MAN1A1: variants seen among roughly 807,000 people sequenced by gnomAD.
MAN1A1 encodes the protein mannosyl-oligosaccharide 1,2-alpha-mannosidase IA.
In MAN1A1, 29 loss-of-function variants were observed where a neutral mutation model predicts 70.8. The ratio of observed to expected loss-of-function variants is 0.41; its 90% CI spans 0.31 to 0.56. The LOEUF is 0.56. Ranked by LOEUF, MAN1A1 falls within the 20% of genes least tolerant of loss-of-function variation. The pLI is 0.29. For synonymous variants in MAN1A1, 349 were observed against 330.1 expected (o/e 1.06, Z -0.62); for missense variants, 747 against 841.3 (o/e 0.89, Z 1.39).
At chr6:119,325,604 T>C (rs1387829114) in intron 2 of MAN1A1, among the ~76,000 whole-genome samples, 4 of 151,776 alleles carry the variant, frequency 2.6e-5, no homozygotes, top group Admixed American at 1.3e-4. Context: ...TTACAGTGAG[T>C]TGAGATTGCA....
intron 2 of MAN1A1, chr6:119,327,352 T>C (rs1356142646): frequency 6.6e-6 from 1 of 150,812 alleles, no homozygotes; most frequent in African/African-American, 2.4e-5. Context: ...TCCGCAAGGA[T>C]CATGTGCAAA....
intron 2 of MAN1A1, among the ~76,000 whole-genome samples, chr6:119,326,992 A>G (rs931296468): frequency 3.3e-5 from 5 of 152,334 alleles, no homozygotes; most frequent in Admixed American, 3.3e-4. Flanking sequence ...AGCAGAGTGA[A>G]TGACCACCCT....
chr6:119,312,258 G>A (rs1772730802), intron 2 of MAN1A1, among the ~76,000 whole-genome samples: 1 of 152,150 alleles, frequency 6.6e-6, no homozygotes, highest in Non-Finnish European at 1.5e-5. Context: ...GAAAAACAGT[G>A]ATTTTAAAAG....
chr6:119,325,286 T>C (rs1773116677), intron 2 of MAN1A1, among the ~76,000 whole-genome samples: 1 of 135,234 alleles, frequency 7.4e-6, no homozygotes, highest in Non-Finnish European at 1.7e-5. Context: ...TCTAGAGTTT[T>C]TGCTCCTAAC....
chr6:119,251,204 G>T (rs543371825), intron 5 of MAN1A1, among the ~76,000 whole-genome samples: 1 of 151,870 alleles, frequency 6.6e-6, no homozygotes, highest in Non-Finnish European at 1.5e-5. Context: ...CTGTATTTAC[G>T]TTACCAACTT....
chr6:119,208,625 T>C (rs551278930), intron 6 of MAN1A1, among the ~76,000 whole-genome samples: 2 of 152,318 alleles, frequency 1.3e-5, no homozygotes, highest in East Asian at 3.9e-4. Flanking sequence ...CTTCTGGGAA[T>C]GGTTAATAGG....
In MAN1A1 at chr6:119,348,742, C is replaced by T; in HGVS notation, c.324G>A (p.Gly108=). The T allele has an allele frequency of 6.4e-7, 1 of 1,566,956 alleles. No homozygotes were observed. The highest frequency in any genetic ancestry group is 1.9e-5 in the Admixed American group (1 of 53,872). ...AEGRARRREE[G]APGDPEAALE... The stretch of plus-strand genomic sequence containing the variant: ...GGGCGGCCTCCGGGTCCCCGGGTGC[C>T]CCCTCCTCGCGGCGCCGGGCTCGCC... The change falls in exon 2 of 13, where the codon GGG becomes GGA. Residue 108 remains glycine (G), a synonymous_variant. Coordinates refer to ENST00000368468, the MANE Select transcript of MAN1A1 (RefSeq NM_005907.4).
intron 7 of MAN1A1, among the ~76,000 whole-genome samples, chr6:119,202,152 G>A (rs1773730931): frequency 6.6e-6 from 1 of 151,816 alleles, no homozygotes; most frequent in Admixed American, 6.6e-5. Context: ...TGACTCTTTT[G>A]TAATAACCAT....
intron 6 of MAN1A1, among the ~76,000 whole-genome samples, chr6:119,208,790 T>C (rs1290771375): frequency 2.6e-5 from 4 of 152,068 alleles, no homozygotes; most frequent in Non-Finnish European, 5.9e-5. Context: ...TAATCTTAAA[T>C]TAAGGTAACT....
intron 6 of MAN1A1, among the ~76,000 whole-genome samples, chr6:119,224,271 C>T (rs562793294): frequency 3.9e-4 from 59 of 152,322 alleles, no homozygotes; most frequent in African/African-American, 1.4e-3. Context: ...ATGTTTGCTA[C>T]TTTTATAGAC....
intron 3 of MAN1A1, among the ~76,000 whole-genome samples, chr6:119,302,769 C>T (rs989432020): frequency 6.6e-6 from 1 of 152,058 alleles, no homozygotes; most frequent in Non-Finnish European, 1.5e-5. Context: ...TCAAAGTGCA[C>T]CTGTGCAAAA....
intron 6 of MAN1A1, among the ~76,000 whole-genome samples, chr6:119,211,540 C>T (rs1774050385): frequency 6.6e-6 from 1 of 152,212 alleles, no homozygotes; most frequent in African/African-American, 2.4e-5. Flanking sequence ...CCTAAACTTA[C>T]ATCTAGATAA....
chr6:119,217,626 A>C (rs1376059537), intron 6 of MAN1A1, among the ~76,000 whole-genome samples: 4 of 152,132 alleles, frequency 2.6e-5, no homozygotes, highest in African/African-American at 9.7e-5. Context: ...TTACATATTG[A>C]GTGTTACTCC....
intron 5 of MAN1A1, among the ~76,000 whole-genome samples, chr6:119,284,090 C>T (rs549526762): frequency 2.2e-4 from 33 of 152,242 alleles, no homozygotes; most frequent in African/African-American, 7.7e-4. Context: ...TACATTTAAT[C>T]ACTAAAATGT....
At chr6:119,187,968 T>C (rs1426735584) in intron 11 of MAN1A1, among the ~76,000 whole-genome samples, 1 of 152,214 alleles carries the variant, frequency 6.6e-6, no homozygotes, top group African/African-American at 2.4e-5. Context: ...ATAAGTGCTT[T>C]CTAAAAGTTA....
intron 5 of MAN1A1, among the ~76,000 whole-genome samples, chr6:119,279,343 A>C (rs1776165026): frequency 6.6e-6 from 1 of 152,168 alleles, no homozygotes; most frequent in Non-Finnish European, 1.5e-5. Context: ...TTCTGCCAAT[A>C]CTTTAAAATC....
chr6:119,193,963 A>G (rs1388380712), intron 8 of MAN1A1, 71 bp from the exon 9 acceptor site: 2 of 872,116 alleles, frequency 2.3e-6, no homozygotes, highest in East Asian at 2.5e-5. Flanking sequence ...AAATCACATT[A>G]GCAACTAGGA....
intron 5 of MAN1A1, among the ~76,000 whole-genome samples, chr6:119,248,993 T>C (rs1775244736): frequency 6.6e-6 from 1 of 152,258 alleles, no homozygotes; most frequent in East Asian, 1.9e-4. Context: ...AGAACACAGA[T>C]ATAATGAGAG....
At chr6:119,235,854 C>T (rs544799816) in intron 6 of MAN1A1, among the ~76,000 whole-genome samples, 2 of 152,252 alleles carry the variant, frequency 1.3e-5, no homozygotes, top group South Asian at 4.2e-4. Context: ...TACACTAAAT[C>T]TGGCTGGGTG....
Sources: gnomAD v4.1 joint callset for allele counts (sites outside exome capture counted in the v4.1 genomes callset) on GRCh38, gnomAD v4.1.1 for gene constraint, MANE v1.5 for transcripts, NCBI Gene and HGNC (gene_info 2026-07-23, HGNC 2026-07-21) for gene names.